The following PTPRE variants were observed in gnomAD, a reference collection of about 807,000 sequenced individuals.
PTPRE encodes receptor-type tyrosine-protein phosphatase epsilon.
In PTPRE, 51 loss-of-function variants were observed where a neutral mutation model predicts 102.0. The ratio of observed to expected loss-of-function variants is 0.50; its 90% CI spans 0.40 to 0.63. The LOEUF (loss-of-function observed/expected upper bound fraction) is 0.63. PTPRE is among the 30% of genes least tolerant of loss of function. The probability of loss-of-function intolerance (pLI) is 0.00; values close to 1 mark genes in which losing one functional copy is unlikely to be tolerated. For synonymous variants in PTPRE, 345 were observed against 348.2 expected (o/e 0.99, Z 0.10); for missense variants, 752 against 915.1 (o/e 0.82, Z 2.30).
chr10:127,927,361 C>G (rs1449173648), intron 1 of PTPRE, among the ~76,000 whole-genome samples: 1 of 152,192 alleles, frequency 6.6e-6, no homozygotes, highest in Non-Finnish European at 1.5e-5. Flanking sequence ...ACACCAGAAT[C>G]CTACTCAATG....
intron 5 of PTPRE, among the ~76,000 whole-genome samples, chr10:128,048,559 C>G (rs1848286242): frequency 6.6e-6 from 1 of 152,164 alleles, no homozygotes; most frequent in Admixed American, 6.5e-5. Flanking sequence ...ATATCACCAA[C>G]AAGGACCCAG....
chr10:127,980,595 G>A (rs556130998), intron 1 of PTPRE, among the ~76,000 whole-genome samples: 1 of 152,070 alleles, frequency 6.6e-6, no homozygotes, highest in Non-Finnish European at 1.5e-5. Context: ...CTGGGGAGAG[G>A]TATTAAGTCT....
intron 20 of PTPRE, 83 bp from the exon 21 acceptor site, chr10:128,082,749 G>T: frequency 7.0e-7 from 1 of 1,433,532 alleles, no homozygotes; most frequent in Non-Finnish European, 9.3e-7. Context: ...ACTTATTTAT[G>T]TCTTGTTTTT....
rs994897022 is a variant in PTPRE, at chr10:128,028,087, C to T, written c.-7-12788C>T. On this transcript the variant is annotated intron_variant, in intron 2 of 20. Coordinates refer to ENST00000254667, the MANE Select transcript of PTPRE (RefSeq NM_006504.6). The surrounding 1 kb of genome is among the most constrained non-coding windows in gnomAD (Gnocchi z 4.5). ...TGGGAGTCTCCAGAGGCAGCGAGCC[C>T]AGGACACTGATGGTGCAGACCACTG... Among the ~76,000 whole-genome samples, 4 of 152,348 alleles carry T rather than the reference C, an allele frequency of 2.6e-5. No homozygotes were observed. Among genetic ancestry groups the T allele is most frequent in the Non-Finnish European group, 4.4e-5 (3 of 68,036 alleles).
intron 2 of PTPRE, among the ~76,000 whole-genome samples, chr10:128,022,455 C>G (rs1037154348): frequency 6.6e-6 from 1 of 152,234 alleles, no homozygotes; most frequent in Non-Finnish European, 1.5e-5. Flanking sequence ...CAGGAGTTGC[C>G]TGGCAGCTTT....
Position 128,085,337 on chromosome 10 carries a change from C to A in PTPRE, c.*2431C>A, listed in dbSNP as rs1852014772. 3.6e-6 allele frequency: 1 copy of A among 278,426 alleles called. No homozygotes were observed. The highest frequency in any genetic ancestry group is 4.3e-5 in the Admixed American group (1 of 23,196). 17.2% of individuals were successfully genotyped at this position (278,426 alleles called of 1,614,324 possible). A position where few individuals can be genotyped will look rare whatever the true frequency, so the allele number is the denominator to read the frequency against. On this transcript the variant is annotated 3_prime_UTR_variant, in exon 21 of 21. Coordinates refer to ENST00000254667, the MANE Select transcript of PTPRE (RefSeq NM_006504.6). ...CCATTGTACATAACAAAACAGCCCCCAAACAGCCCAGTGCCGACACCATTG... is the reference window on the plus strand; with the variant it reads ...CCATTGTACATAACAAAACAGCCCCAAAACAGCCCAGTGCCGACACCATTG...
intron 2 of PTPRE, chr10:127,999,416 A>G (rs776905476): frequency 4.8e-5 from 17 of 357,296 alleles, no homozygotes; most frequent in Non-Finnish European, 3.5e-5. Context: ...CACGGGGGGA[A>G]TCATGATCGA....
intron 19 of PTPRE, 137 bp from the exon 20 acceptor site, chr10:128,079,423 A>T: frequency 8.2e-7 from 1 of 1,215,376 alleles, no homozygotes; most frequent in Non-Finnish European, 1.1e-6. Flanking sequence ...AATGATCAAA[A>T]AAAAATTCAG....
In PTPRE at chr10:128,061,819, G is replaced by T. The variant is rs1849616852; in HGVS notation, c.625+104G>T. On this transcript the variant is annotated intron_variant, in intron 9 of 20. Transcript: ENST00000254667. ...CCAAGGACTTATACTGGATTTGTGT[G>T]TGTGTGTTTACACCTAACAGACACG... The T allele has an allele frequency of 1.8e-5, 25 of 1,394,794 alleles. No individual in the cohort carries two copies. In the South Asian group the frequency reaches 3.5e-4, roughly 20 times the overall value. 86.4% of individuals were successfully genotyped at this position (1,394,794 alleles called of 1,614,324 possible). A position where few individuals can be genotyped will look rare whatever the true frequency, so the allele number is the denominator to read the frequency against.
chr10:127,987,917 G>A (rs1001456101), intron 2 of PTPRE, among the ~76,000 whole-genome samples: 1 of 152,238 alleles, frequency 6.6e-6, no homozygotes. Flanking sequence ...TCTTCAAGGA[G>A]CTTGTCTTCA....
At chr10:127,908,352 C>T (rs1487905807) in intron 1 of PTPRE, among the ~76,000 whole-genome samples, 3 of 148,772 alleles carry the variant, frequency 2.0e-5, no homozygotes, top group Non-Finnish European at 4.5e-5. Context: ...TGACCCAGGG[C>T]GTCTGGAGGT....
intron 1 of PTPRE, among the ~76,000 whole-genome samples, chr10:127,962,526 A>C (rs1054854647): frequency 1.3e-5 from 2 of 152,154 alleles, no homozygotes; most frequent in East Asian, 3.9e-4. Context: ...GGAGGGGTCG[A>C]TGGAGTGTGC....
Position 128,058,483 on chromosome 10 carries a change from C to T in PTPRE, c.511+2270C>T, listed in dbSNP as rs533967455. 3.5e-4 allele frequency among the ~76,000 whole-genome samples: 54 copies of T among 152,260 alleles called. 1 individual carries two copies. In the South Asian group the frequency reaches 7.9e-3, roughly 22 times the overall value. On this transcript the variant is annotated intron_variant, in intron 7 of 20. Transcript: ENST00000254667. ...GAACCCCAGGGCCCACGCAGCTGCCCGGGACTGGGGGACCAGGACGTGGCA... is the reference window on the plus strand; with the variant it reads ...GAACCCCAGGGCCCACGCAGCTGCCTGGGACTGGGGGACCAGGACGTGGCA...
rs558884152 is a variant in PTPRE at position 128,085,610 on chromosome 10, T to C, written c.*2704T>C. 4 of 152,898 alleles carry C rather than the reference T, an allele frequency of 2.6e-5. No homozygotes were observed. The highest frequency in any genetic ancestry group is 9.6e-5 in the African/African-American group (4 of 41,580). 9.5% of individuals were successfully genotyped at this position (152,898 alleles called of 1,614,324 possible). A position where few individuals can be genotyped will look rare whatever the true frequency, so the allele number is the denominator to read the frequency against. On this transcript the variant is annotated 3_prime_UTR_variant, in exon 21 of 21. Coordinates refer to ENST00000254667, the MANE Select transcript of PTPRE (RefSeq NM_006504.6). ...ATTTGGAGACATCCCCATGTTATTC[T>C]TTTAAGTGTATAATTACTGATACTT...
At chr10:128,029,585 G>A (rs1364738519) in intron 2 of PTPRE, among the ~76,000 whole-genome samples, 1 of 152,216 alleles carries the variant, frequency 6.6e-6, no homozygotes, top group Non-Finnish European at 1.5e-5. Flanking sequence ...ACTGCTGAAG[G>A]CCCGTGGGTC....
chr10:127,984,373 G>T (rs919341176), intron 2 of PTPRE, among the ~76,000 whole-genome samples: 3 of 152,062 alleles, frequency 2.0e-5, no homozygotes, highest in Non-Finnish European at 4.4e-5. Context: ...GAGCCACCGC[G>T]CCTGGCCCTG....
In PTPRE at chr10:127,937,887, G is replaced by C. The variant is rs557994952; in HGVS notation, c.-31+30578G>C. ...AAAATAAAAGTAAAATAAGCTACTC[G>C]TAAGGGGTGTGTGTGTGTGTGTGTA... On this transcript the variant is annotated intron_variant, in intron 1 of 20. Transcript: ENST00000254667. 2.6e-3 allele frequency among the ~76,000 whole-genome samples: 394 copies of C among 151,926 alleles called. 1 individual carries two copies. Among genetic ancestry groups the C allele is most frequent in the African/African-American group, 9.0e-3 (375 of 41,484 alleles).
chr10:127,996,481 A>G lies in PTPRE; in HGVS notation c.-8+14185A>G, dbSNP rs1381155654. ...CTGTTAAAGTTGATTCAAATTGCTC[A>G]TTCCTTACAGTAAAACCTCCAACCT... On this transcript the variant is annotated intron_variant, in intron 2 of 20. Coordinates refer to ENST00000254667, the MANE Select transcript of PTPRE (RefSeq NM_006504.6). Among the ~76,000 whole-genome samples the G allele has an allele frequency of 5.9e-5, 9 of 152,212 alleles. No individual in the cohort carries two copies. In the South Asian group the frequency reaches 1.4e-3, roughly 25 times the overall value.
chr10:127,925,836 G>C (rs541014082), intron 1 of PTPRE, among the ~76,000 whole-genome samples: 1 of 152,280 alleles, frequency 6.6e-6, no homozygotes, highest in African/African-American at 2.4e-5. Flanking sequence ...GGAGCACTTT[G>C]GAGCAGCAGC....
Sources: gnomAD v4.1 joint callset for allele counts (sites outside exome capture counted in the v4.1 genomes callset) on GRCh38, gnomAD v4.1.1 for gene constraint, Gnocchi (gnomAD v3.1) non-coding constraint, MANE v1.5 for transcripts, NCBI Gene and HGNC (gene_info 2026-07-23, HGNC 2026-07-21) for gene names.